Variants in CSMD3 observed in about 807,000 individuals in gnomAD.
CSMD3 encodes CUB and sushi domain-containing protein 3.
A neutral mutation model predicts 435.2 loss-of-function variants in CSMD3; 177 were observed. The observed-to-expected ratio is 0.41, with a 90% CI of 0.36 to 0.46. The LOEUF (loss-of-function observed/expected upper bound fraction) is 0.46, where lower values mean the gene tolerates loss of function less well. Among genes scored for constraint, CSMD3 ranks in the 20% least tolerant of loss-of-function variants. The probability of loss-of-function intolerance (pLI) is 0.34; values close to 1 mark genes in which losing one functional copy is unlikely to be tolerated. For synonymous variants in CSMD3, 1,656 were observed against 1,520.5 expected (o/e 1.09, Z -2.07); for missense variants, 4,265 against 4,504.6 (o/e 0.95, Z 1.52).
chr8:112,898,513 T>A (rs1173193297), intron 10 of CSMD3, among the ~76,000 whole-genome samples: 2 of 151,244 alleles, frequency 1.3e-5, no homozygotes, highest in Admixed American at 6.6e-5. Flanking sequence ...TTCATTTACT[T>A]CTTATTTTGT....
At chr8:112,772,283 T>C (rs1465489073) in intron 13 of CSMD3, among the ~76,000 whole-genome samples, 1 of 152,042 alleles carries the variant, frequency 6.6e-6, no homozygotes, top group Non-Finnish European at 1.5e-5. Context: ...TGCCTTGAGA[T>C]GCTATTAATC....
intron 48 of CSMD3, 96 bp from the exon 49 acceptor site, chr8:112,314,148 A>ACCAT: frequency 2.1e-6 from 2 of 958,798 alleles, no homozygotes; most frequent in Non-Finnish European, 3.2e-6. Context: ...AATATGGTTA[A>ACCAT]ATTGCTTCAC....
rs150388610 is a variant in CSMD3, at chr8:112,573,973, G to C, written c.3886-316C>G. 3.5e-3 allele frequency among the ~76,000 whole-genome samples: 535 copies of C among 151,956 alleles called. 2 individuals carry two copies. The highest frequency in any genetic ancestry group is 0.012 in the African/African-American group (514 of 41,516). ...AATTAAGAATACCTACCTAAAGATT[G>C]GTTTCTAAAGTTGGTTACTTGGTTA... is the stretch of plus-strand genomic sequence containing the variant. On this transcript the variant is annotated intron_variant, in intron 23 of 70. Coordinates refer to ENST00000297405, the MANE Select transcript of CSMD3 (RefSeq NM_198123.2).
chr8:113,022,540 C>T (rs1050437771), intron 5 of CSMD3, among the ~76,000 whole-genome samples: 2 of 151,288 alleles, frequency 1.3e-5, no homozygotes, highest in African/African-American at 4.8e-5. Flanking sequence ...TAACAAAAAA[C>T]CCAGTAACAT....
chr8:112,760,570 T>C (rs2077813457), intron 13 of CSMD3, among the ~76,000 whole-genome samples: 1 of 152,228 alleles, frequency 6.6e-6, no homozygotes, highest in African/African-American at 2.4e-5. Flanking sequence ...TATTTGCTAA[T>C]GGAAATTGAA....
chr8:113,064,391 T>C (rs541280056), intron 5 of CSMD3, among the ~76,000 whole-genome samples: 2 of 152,200 alleles, frequency 1.3e-5, no homozygotes, highest in South Asian at 2.1e-4. Context: ...GTTTAATATA[T>C]AACTTATTTA....
chr8:113,249,777 T>G (rs756995867), intron 3 of CSMD3, among the ~76,000 whole-genome samples: 1 of 151,986 alleles, frequency 6.6e-6, no homozygotes, highest in South Asian at 2.1e-4. Flanking sequence ...ACTCTTGCCA[T>G]AAGTCTTTGT....
chr8:112,314,155 TCAC>T (rs1342703337), intron 48 of CSMD3, 103 bp from the exon 49 acceptor site: 1 of 863,418 alleles, frequency 1.2e-6, no homozygotes, highest in Non-Finnish European at 1.9e-6. Flanking sequence ...TTAAATTGCT[TCAC>T]CACCAATCTA....
chr8:113,030,560 C>T (rs72683853), intron 5 of CSMD3, among the ~76,000 whole-genome samples: 14,674 of 150,184 alleles, frequency 0.098, 1,197 homozygotes, highest in Middle Eastern at 0.17. Flanking sequence ...AGTAAATCTA[C>T]GAAACACTTA....
At chr8:112,456,965 G>T (rs944541774) in intron 32 of CSMD3, among the ~76,000 whole-genome samples, 1 of 152,028 alleles carries the variant, frequency 6.6e-6, no homozygotes, top group Non-Finnish European at 1.5e-5. Context: ...GTGTTCCTGA[G>T]AAATTATAGG....
At chr8:112,746,853 C>T (rs2077438328) in intron 13 of CSMD3, among the ~76,000 whole-genome samples, 1 of 152,060 alleles carries the variant, frequency 6.6e-6, no homozygotes, top group Non-Finnish European at 1.5e-5. Flanking sequence ...ATAGAAATTC[C>T]TTTGCTTCTA....
At chr8:112,371,057 C>T (rs1418155047) in intron 38 of CSMD3, among the ~76,000 whole-genome samples, 1 of 152,116 alleles carries the variant, frequency 6.6e-6, no homozygotes. Context: ...AGAAGATGCT[C>T]AGAAAACATG....
intron 36 of CSMD3, among the ~76,000 whole-genome samples, chr8:112,385,665 C>T (rs180907887): frequency 3.3e-5 from 5 of 152,074 alleles, no homozygotes; most frequent in African/African-American, 9.7e-5. Flanking sequence ...GGAACCCAGA[C>T]GTCACATGTG....
intron 17 of CSMD3, among the ~76,000 whole-genome samples, chr8:112,664,630 T>C (rs933341180): frequency 6.6e-6 from 1 of 152,164 alleles, no homozygotes; most frequent in African/African-American, 2.4e-5. Context: ...TAATCCCTAG[T>C]AGTACTCAGA....
chr8:112,701,466 C>A (rs1587008642), intron 13 of CSMD3, among the ~76,000 whole-genome samples: 2 of 152,196 alleles, frequency 1.3e-5, no homozygotes, highest in Admixed American at 6.5e-5. Flanking sequence ...TGCCCACACT[C>A]TTTTCTATTG....
intron 50 of CSMD3, among the ~76,000 whole-genome samples, chr8:112,307,237 C>A (rs1821516301): frequency 6.6e-6 from 1 of 151,968 alleles, no homozygotes; most frequent in East Asian, 1.9e-4. Context: ...GATCCTCACA[C>A]CTCAGCACCC....
At chr8:112,679,033 T>A (rs73342539) in intron 16 of CSMD3, among the ~76,000 whole-genome samples, 2,813 of 150,036 alleles carry the variant, frequency 0.019, 84 homozygotes, top group African/African-American at 0.065. Context: ...TAGTTCTCTA[T>A]GTAAGTGGGA....
chr8:112,494,555 C>CTTTCT (rs1821125517), intron 30 of CSMD3, among the ~76,000 whole-genome samples: 2 of 99,778 alleles, frequency 2.0e-5, no homozygotes, highest in Admixed American at 9.9e-5. Flanking sequence ...TTCTTTCTTT[C>CTTTCT]TTTCTTTCTT....
chr8:112,527,033 GA>G (rs1451455160), intron 27 of CSMD3, among the ~76,000 whole-genome samples: 1 of 151,510 alleles, frequency 6.6e-6, no homozygotes, highest in Non-Finnish European at 1.5e-5. Flanking sequence ...ATGATGGTAA[GA>G]AAAAAGTAAC....
Sources: allele counts gnomAD v4.1 joint callset (sites outside exome capture counted in the v4.1 genomes callset), GRCh38; gene constraint gnomAD v4.1.1; transcripts MANE v1.5; gene names NCBI Gene and HGNC (gene_info 2026-07-23, HGNC 2026-07-21).